KLHL29: variants seen among roughly 807,000 people sequenced by gnomAD.
KLHL29 encodes kelch like family member 29.
Under a neutral mutation model 80.4 loss-of-function variants are expected in KLHL29, and 21 were observed. That is an observed-to-expected ratio of 0.26 (90% CI 0.19 to 0.38). The LOEUF (loss-of-function observed/expected upper bound fraction) is 0.38, where lower values mean the gene tolerates loss of function less well. KLHL29 is among the 10% of genes least tolerant of loss of function. The pLI is 1.00. For synonymous variants in KLHL29, 511 were observed against 526.8 expected (o/e 0.97, Z 0.41); for missense variants, 867 against 1,223.9 (o/e 0.71, Z 4.35).
intron 1 of KLHL29, among the ~76,000 whole-genome samples, chr2:23,404,135 C>G (rs989998933): frequency 6.6e-6 from 1 of 152,106 alleles, no homozygotes; most frequent in East Asian, 1.9e-4. Flanking sequence ...GAACGAAATG[C>G]GTTTTGCTTC....
chr2:23,458,041 C>A (rs762846241), intron 1 of KLHL29, among the ~76,000 whole-genome samples: 1 of 152,028 alleles, frequency 6.6e-6, no homozygotes, highest in Non-Finnish European at 1.5e-5. Flanking sequence ...AAAAATAAAA[C>A]GTAAGGATGC....
At chr2:23,553,633 C>T (rs770141619) in intron 2 of KLHL29, among the ~76,000 whole-genome samples, 2 of 152,212 alleles carry the variant, frequency 1.3e-5, no homozygotes, top group African/African-American at 4.8e-5. Flanking sequence ...TTTAAGGACT[C>T]ATCTCTTTCA....
At chr2:23,656,590 G>T (rs761780379) in intron 5 of KLHL29, among the ~76,000 whole-genome samples, 1 of 152,208 alleles carries the variant, frequency 6.6e-6, no homozygotes, top group African/African-American at 2.4e-5. Context: ...CTGAGTGATC[G>T]CCTTCCCGTG....
At chr2:23,586,977 G>A (rs550204700) in intron 3 of KLHL29, among the ~76,000 whole-genome samples, 10 of 152,264 alleles carry the variant, frequency 6.6e-5, no homozygotes, top group African/African-American at 2.4e-4. Flanking sequence ...TTCAGTAGCT[G>A]ATGTGCTCCG....
chr2:23,534,086 C>G (rs1323058254), intron 2 of KLHL29, among the ~76,000 whole-genome samples: 1 of 152,136 alleles, frequency 6.6e-6, no homozygotes, highest in African/African-American at 2.4e-5. Context: ...GGATGCCTTT[C>G]CAAGCAACCA....
At chr2:23,429,492 C>T (rs1406968828) in intron 1 of KLHL29, among the ~76,000 whole-genome samples, 2 of 152,248 alleles carry the variant, frequency 1.3e-5, no homozygotes, top group African/African-American at 4.8e-5. Flanking sequence ...GTGGCTCACT[C>T]CTGTAATCCC....
At chr2:23,603,602 G>A (rs1668628864) in intron 3 of KLHL29, among the ~76,000 whole-genome samples, 1 of 152,232 alleles carries the variant, frequency 6.6e-6, no homozygotes, top group African/African-American at 2.4e-5. Context: ...TTTTCTAAAA[G>A]AGGGAGATCG....
At chr2:23,480,604 G>A (rs951078801) in intron 2 of KLHL29, among the ~76,000 whole-genome samples, 36 of 152,230 alleles carry the variant, frequency 2.4e-4, no homozygotes, top group African/African-American at 8.7e-4. Context: ...CAACTCATAG[G>A]TGTTATTACC....
rs55790582 is a variant in KLHL29 at position 23,408,263 on chromosome 2, T to TAAAAAAAAAAAA, written c.-154+22510_-154+22521dup. Among the ~76,000 whole-genome samples, 24 of 52,682 alleles carry TAAAAAAAAAAAA rather than the reference T, an allele frequency of 4.6e-4. 1 individual carries two copies. Among genetic ancestry groups the TAAAAAAAAAAAA allele is most frequent in the South Asian group, 1.2e-3 (1 of 860 alleles). 34.6% of individuals were successfully genotyped at this position (52,682 alleles called of 152,430 possible). On this transcript the variant is annotated intron_variant, in intron 1 of 13. Transcript: ENST00000486442. ...GAGGAAATTTAGAAGCATTTCACGC[T>TAAAAAAAAAAAA]AAAAAAAAAAAAAAAAAAAAAAAAA...
intron 2 of KLHL29, among the ~76,000 whole-genome samples, chr2:23,493,637 G>A (rs1665170234): frequency 6.6e-6 from 1 of 152,096 alleles, no homozygotes; most frequent in Non-Finnish European, 1.5e-5. Context: ...GTGGGCGTGT[G>A]TGTGTGAGTG....
chr2:23,385,303 C>G lies in KLHL29; in HGVS notation c.-631C>G, dbSNP rs535973529. The G allele has an allele frequency of 1.4e-5, 2 of 146,758 alleles. No homozygotes were observed. Among genetic ancestry groups the G allele is most frequent in the Non-Finnish European group, 3.0e-5 (2 of 65,704 alleles). 9.1% of individuals were successfully genotyped at this position (146,758 alleles called of 1,614,324 possible). On this transcript the variant is annotated 5_prime_UTR_variant, in exon 1 of 14. Transcript: ENST00000486442. ...TCTCGCCGCAGCTCCAGCCCCGGCCCCGGCTCCGCAGCGCCCGTCCGCAGC... is the reference window on the plus strand; with the variant it reads ...TCTCGCCGCAGCTCCAGCCCCGGCCGCGGCTCCGCAGCGCCCGTCCGCAGC...
chr2:23,512,302 G>C (rs1665796145), intron 2 of KLHL29, among the ~76,000 whole-genome samples: 1 of 152,086 alleles, frequency 6.6e-6, no homozygotes, highest in Admixed American at 6.5e-5. Context: ...AAAATTAGCT[G>C]GGCATGGTGG....
At chr2:23,692,559 C>A (rs963768008) in intron 7 of KLHL29, among the ~76,000 whole-genome samples, 1 of 152,220 alleles carries the variant, frequency 6.6e-6, no homozygotes, top group Non-Finnish European at 1.5e-5. Flanking sequence ...GACAGAGGGG[C>A]ACCAAGCAGT....
intron 2 of KLHL29, among the ~76,000 whole-genome samples, chr2:23,528,694 A>C (rs1666401747): frequency 6.6e-6 from 1 of 152,226 alleles, no homozygotes; most frequent in African/African-American, 2.4e-5. Flanking sequence ...GTTAACCCTC[A>C]ATCAATGGGG....
At chr2:23,438,648 C>A (rs1199672685) in intron 1 of KLHL29, among the ~76,000 whole-genome samples, 1 of 148,884 alleles carries the variant, frequency 6.7e-6, no homozygotes, top group African/African-American at 2.5e-5. Flanking sequence ...GCCTTGCATC[C>A]CAGGGATGAA....
chr2:23,484,931 C>T (rs953667831), intron 2 of KLHL29, among the ~76,000 whole-genome samples: 6 of 152,186 alleles, frequency 3.9e-5, no homozygotes, highest in African/African-American at 1.4e-4. Context: ...CTCTCCCATC[C>T]CTACCTATCT....
chr2:23,444,304 T>C (rs1663614137), intron 1 of KLHL29, among the ~76,000 whole-genome samples: 1 of 152,192 alleles, frequency 6.6e-6, no homozygotes, highest in South Asian at 2.1e-4. Flanking sequence ...TACCTTTTTA[T>C]ATATATTTCT....
At chr2:23,495,002 G>A (rs1388957213) in intron 2 of KLHL29, among the ~76,000 whole-genome samples, 2 of 152,202 alleles carry the variant, frequency 1.3e-5, no homozygotes, top group Non-Finnish European at 2.9e-5. Context: ...TGCTGCCTCA[G>A]TGCCTCTGTT....
intron 8 of KLHL29, among the ~76,000 whole-genome samples, chr2:23,694,688 A>C (rs927826163): frequency 1.3e-5 from 2 of 152,110 alleles, no homozygotes; most frequent in Admixed American, 1.3e-4. Flanking sequence ...AATTCTCCAG[A>C]CACACCATTC....
Sources: gnomAD v4.1 joint callset for allele counts (sites outside exome capture counted in the v4.1 genomes callset) on GRCh38, gnomAD v4.1.1 for gene constraint, MANE v1.5 for transcripts, NCBI Gene and HGNC (gene_info 2026-07-23, HGNC 2026-07-21) for gene names.